Variants in ASXL2 observed in about 807,000 individuals in gnomAD.
ASXL2 encodes ASXL transcriptional regulator 2.
In ASXL2, 23 loss-of-function variants were observed where a neutral mutation model predicts 122.0. The observed-to-expected ratio is 0.19, with a 90% CI of 0.14 to 0.27. The LOEUF (loss-of-function observed/expected upper bound fraction) is 0.27, where lower values mean the gene tolerates loss of function less well. ASXL2 is among the 10% of genes least tolerant of loss of function. The pLI is 1.00. For synonymous variants in ASXL2, 650 were observed against 637.0 expected (o/e 1.02, Z -0.31); for missense variants, 1,518 against 1,713.8 (o/e 0.89, Z 2.02).
intron 9 of ASXL2, 104 bp from the exon 10 acceptor site, chr2:25,756,218 T>A: frequency 5.8e-6 from 3 of 512,832 alleles, no homozygotes; most frequent in Non-Finnish European, 9.6e-6. Flanking sequence ...ATATATTTAT[T>A]TTAATAGAAA....
At chr2:25,874,180 T>TA (rs1367247926) in intron 1 of ASXL2, among the ~76,000 whole-genome samples, 1 of 150,736 alleles carries the variant, frequency 6.6e-6, no homozygotes, top group Non-Finnish European at 1.5e-5. Flanking sequence ...CCCGTCTCTA[T>TA]AAAAAAAAGT....
intron 8 of ASXL2, among the ~76,000 whole-genome samples, chr2:25,763,012 C>T (rs1045126005): frequency 5.3e-5 from 8 of 152,066 alleles, no homozygotes; most frequent in Admixed American, 1.3e-4. Context: ...AATATTCAAT[C>T]CATCAGAAAG....
intron 4 of ASXL2, among the ~76,000 whole-genome samples, chr2:25,804,703 G>A (rs1262699025): frequency 6.6e-6 from 1 of 152,192 alleles, no homozygotes; most frequent in Non-Finnish European, 1.5e-5. Context: ...CTGTTCGTAA[G>A]TGAAAAGTTA....
chr2:25,837,560 A>C (rs556628499), intron 2 of ASXL2, among the ~76,000 whole-genome samples: 7 of 152,342 alleles, frequency 4.6e-5, no homozygotes, highest in Non-Finnish European at 1.0e-4. Context: ...ATTTTAAAAA[A>C]GCGTCTTCAG....
intron 3 of ASXL2, among the ~76,000 whole-genome samples, chr2:25,828,508 CA>C (rs753879104): frequency 2.0e-5 from 2 of 100,100 alleles, no homozygotes; most frequent in Non-Finnish European, 1.9e-5. Flanking sequence ...AACTCCATTT[CA>C]AAAAAAAAAA....
intron 12 of ASXL2, among the ~76,000 whole-genome samples, chr2:25,745,720 T>G (rs540795609): frequency 8.5e-4 from 126 of 147,540 alleles, no homozygotes; most frequent in African/African-American, 2.9e-3. Flanking sequence ...CTCAGCTCAC[T>G]GTAACCTCTG....
chr2:25,807,441 G>A (rs2089099795), intron 3 of ASXL2, among the ~76,000 whole-genome samples: 1 of 152,120 alleles, frequency 6.6e-6, no homozygotes, highest in African/African-American at 2.4e-5. Context: ...TAATAACAAA[G>A]GAAAGAAAAG....
chr2:25,744,282 T>TGAGGCGGCTGCAGCAGCTGCGGCGGCA lies in ASXL2; in HGVS notation c.2028_2054dup (p.Ala677_Ser685dup), dbSNP rs2087901806. ...CAGGTCCTGGAATGGTCCCTCCAAC[T>TGAGGCGGCTGCAGCAGCTGCGGCGGCA]GAGGCGGCTGCAGCAGCTGCGGCGG... is the stretch of plus-strand genomic sequence containing the variant. On this transcript the variant is annotated inframe_insertion, in exon 13 of 13. Coordinates refer to ENST00000435504, the MANE Select transcript of ASXL2 (RefSeq NM_018263.6). This position sits in a 1 kb window ranked among gnomAD's most constrained non-coding sequence, Gnocchi z 4.7. 6.2e-7 allele frequency: 1 copy of TGAGGCGGCTGCAGCAGCTGCGGCGGCA among 1,612,676 alleles called. No individual in the cohort carries two copies. The highest frequency in any genetic ancestry group is 8.5e-7 in the Non-Finnish European group (1 of 1,179,568).
intron 3 of ASXL2, chr2:25,822,477 T>C (rs2089323979): frequency 1.0e-5 from 5 of 476,768 alleles, no homozygotes; most frequent in South Asian, 6.0e-5. Context: ...CAATGCAGCC[T>C]GCTTCTGCAA....
intron 3 of ASXL2, chr2:25,810,052 A>G: frequency 1.8e-6 from 1 of 553,046 alleles, no homozygotes; most frequent in South Asian, 1.4e-5. Flanking sequence ...CCGATCTCTC[A>G]GCAAACTCAG....
intron 12 of ASXL2, among the ~76,000 whole-genome samples, chr2:25,748,012 T>C (rs1053441846): frequency 6.7e-6 from 1 of 149,200 alleles, no homozygotes; most frequent in Admixed American, 6.7e-5. Flanking sequence ...AATAATTATT[T>C]GTAAACATAC....
intron 2 of ASXL2, among the ~76,000 whole-genome samples, chr2:25,841,560 G>A (rs1179903573): frequency 6.6e-6 from 1 of 151,784 alleles, no homozygotes; most frequent in African/African-American, 2.4e-5. Flanking sequence ...AAAGAACACA[G>A]AACATGCCAG....
At chr2:25,819,855 A>G (rs539752000) in intron 3 of ASXL2, among the ~76,000 whole-genome samples, 2 of 152,324 alleles carry the variant, frequency 1.3e-5, no homozygotes, top group African/African-American at 4.8e-5. Flanking sequence ...TAGTTAAAGA[A>G]TGTACTTGCC....
At chr2:25,805,533 C>T (rs2089068612) in intron 4 of ASXL2, among the ~76,000 whole-genome samples, 1 of 151,376 alleles carries the variant, frequency 6.6e-6, no homozygotes, top group Non-Finnish European at 1.5e-5. Context: ...GTATTCACCC[C>T]AACTGTGAAT....
At chr2:25,839,082 A>T (rs2089547587) in intron 2 of ASXL2, among the ~76,000 whole-genome samples, 1 of 152,264 alleles carries the variant, frequency 6.6e-6, no homozygotes, top group Admixed American at 6.5e-5. Context: ...AACTGTCTAC[A>T]GAAAAACAAA....
intron 1 of ASXL2, among the ~76,000 whole-genome samples, chr2:25,862,085 G>A (rs2089847554): frequency 6.6e-6 from 1 of 152,116 alleles, no homozygotes; most frequent in East Asian, 1.9e-4. Context: ...GGAAACTTAT[G>A]TTACACATTC....
intron 5 of ASXL2, among the ~76,000 whole-genome samples, chr2:25,780,863 G>A (rs565459061): frequency 3.3e-5 from 5 of 151,972 alleles, no homozygotes; most frequent in East Asian, 1.9e-4. Flanking sequence ...CGAGGTGGGC[G>A]GATCACGAGG....
At chr2:25,810,738 G>C (rs952217725) in intron 3 of ASXL2, 3 of 597,034 alleles carry the variant, frequency 5.0e-6, no homozygotes, top group Non-Finnish European at 9.3e-6. Flanking sequence ...AGTGTATCAA[G>C]TCTTGCCTTG....
chr2:25,741,987 T>C lies in ASXL2; in HGVS notation c.*42A>G, dbSNP rs2087835830. ...CGCAAAAAACCCAACTGGTCAACCC[T>C]TCCCTTCCCCCTCCTTTACAGTGTA... On this transcript the variant is annotated 3_prime_UTR_variant, in exon 13 of 13. Coordinates refer to ENST00000435504, the MANE Select transcript of ASXL2 (RefSeq NM_018263.6). 2 of 1,556,508 alleles carry C rather than the reference T, an allele frequency of 1.3e-6. No individual in the cohort carries two copies. Among genetic ancestry groups the C allele is most frequent in the East Asian group, 4.5e-5 (2 of 44,150 alleles).
Sources: gnomAD v4.1 joint callset for allele counts (sites outside exome capture counted in the v4.1 genomes callset) on GRCh38, gnomAD v4.1.1 for gene constraint, Gnocchi (gnomAD v3.1) non-coding constraint, MANE v1.5 for transcripts, NCBI Gene and HGNC (gene_info 2026-07-23, HGNC 2026-07-21) for gene names.